TXNL4A: variants seen among roughly 807,000 people sequenced by gnomAD.
TXNL4A encodes the protein thioredoxin like 4A, also known as thioredoxin-like protein 4A.
A neutral mutation model predicts 14.6 loss-of-function variants in TXNL4A; 17 were observed. The observed-to-expected ratio is 1.16, with a 90% CI of 0.80 to 1.74. The LOEUF is 1.74. Among genes scored for constraint, TXNL4A ranks in the 40% most tolerant of loss-of-function variants. TXNL4A has a pLI of 0.00. For missense variants in TXNL4A, 74 were observed against 195.2 expected (o/e 0.38, Z 3.70); for synonymous variants, 83 against 70.6 (o/e 1.18, Z -0.88).
At chr18:80,006,837 G>A (rs1018861135) in intron 1 of TXNL4A, among the ~76,000 whole-genome samples, 2 of 152,202 alleles carry the variant, frequency 1.3e-5, no homozygotes, top group African/African-American at 4.8e-5. Context: ...AGGATTGGTT[G>A]GACCAGGTGT....
At chr18:80,012,853 G>C (rs1290225123) in intron 1 of TXNL4A, among the ~76,000 whole-genome samples, 1 of 150,040 alleles carries the variant, frequency 6.7e-6, no homozygotes, top group East Asian at 2.0e-4. Flanking sequence ...TTTTGGGACC[G>C]GGGTCCAGTG....
chr18:80,023,720 C>A (rs2051865103), intron 1 of TXNL4A, among the ~76,000 whole-genome samples: 1 of 152,148 alleles, frequency 6.6e-6, no homozygotes, highest in Non-Finnish European at 1.5e-5. Context: ...AAAATTTAGA[C>A]TAAAATATTG....
chr18:80,018,697 C>T (rs909193367), intron 1 of TXNL4A, among the ~76,000 whole-genome samples: 2 of 152,188 alleles, frequency 1.3e-5, no homozygotes, highest in Non-Finnish European at 2.9e-5. Flanking sequence ...TCAGAGAATA[C>T]TACAAACACC....
At chr18:79,990,028 T>C (rs2051615464), upstream of TXNL4A, among the ~76,000 whole-genome samples, 1 of 152,144 alleles carries the variant, frequency 6.6e-6, no homozygotes, top group Non-Finnish European at 1.5e-5. Context: ...GCAGATGCTG[T>C]GGTGTCTCTC....
At position 79,999,310 on chromosome 18, in the gene TXNL4A, C is replaced by T. The variant is rs541903010; in HGVS notation, c.-60-21609G>A. Among the ~76,000 whole-genome samples the T allele has an allele frequency of 1.1e-4, 16 of 152,026 alleles. No individual in the cohort carries two copies. In the East Asian group the frequency reaches 1.9e-3, roughly 18 times the overall value. On this transcript the variant is annotated intron_variant, in intron 1 of 2. Transcript: ENST00000585474. The stretch of plus-strand genomic sequence containing the variant: ...CAGCACTTTGGGAGGCCGAGGCGGG[C>T]GGATCACATGAGGTCAGGAGTTCAA...
chr18:80,012,328 C>T (rs537822050), intron 1 of TXNL4A, among the ~76,000 whole-genome samples: 209 of 152,194 alleles, frequency 1.4e-3, no homozygotes, highest in African/African-American at 4.8e-3. Context: ...AGTGACCTTC[C>T]GTTTTGGTAT....
intron 1 of TXNL4A, among the ~76,000 whole-genome samples, chr18:80,000,502 T>C (rs2051691629): frequency 6.6e-6 from 1 of 152,212 alleles, no homozygotes; most frequent in Non-Finnish European, 1.5e-5. Flanking sequence ...TGGGTGCTGT[T>C]AATAAGATTA....
upstream of TXNL4A, among the ~76,000 whole-genome samples, chr18:79,992,873 A>T (rs1230817729): frequency 2.2e-5 from 2 of 89,880 alleles, no homozygotes; most frequent in Non-Finnish European, 4.6e-5. Flanking sequence ...CTGTCATCTT[A>T]TGTAAAAAAA....
rs181235645 is a variant in TXNL4A, at chr18:80,033,138, G to C, written c.-61+713C>G. Among the ~76,000 whole-genome samples the C allele has an allele frequency of 3.2e-4, 48 of 152,284 alleles. 1 individual carries two copies. Among genetic ancestry groups the C allele is most frequent in the Middle Eastern group, 3.4e-3 (1 of 294 alleles). On this transcript the variant is annotated intron_variant, in intron 1 of 2. Coordinates refer to the TXNL4A transcript ENST00000585474. ...AATCTCCTAAAATGATTAGAGACTTGTCTCGTCGTTTTCTTCGATTGACAA... is the reference window on the plus strand; with the variant it reads ...AATCTCCTAAAATGATTAGAGACTTCTCTCGTCGTTTTCTTCGATTGACAA...
rs1345818679 is a variant in TXNL4A, at chr18:79,982,430, C to A, written c.154-4729G>T. Among the ~76,000 whole-genome samples, 1 of 152,176 alleles carries A rather than the reference C, an allele frequency of 6.6e-6. No homozygotes were observed. The highest frequency in any genetic ancestry group is 1.5e-5 in the Non-Finnish European group (1 of 68,026). On this transcript the variant is annotated intron_variant, in intron 1 of 2. Coordinates refer to ENST00000269601, the MANE Select transcript of TXNL4A (RefSeq NM_006701.5). This position sits in a 1 kb window ranked among gnomAD's most constrained non-coding sequence, Gnocchi z 4.0. Reference sequence around the variant, plus strand: ...CTGGAGCTGTACAATGGAGTCTGGGCTGGAGAGAGCTACCTTACTGCCGCC... The same window carrying A: ...CTGGAGCTGTACAATGGAGTCTGGGATGGAGAGAGCTACCTTACTGCCGCC...
upstream of TXNL4A, among the ~76,000 whole-genome samples, chr18:79,991,267 C>T (rs542832354): frequency 6.6e-6 from 1 of 152,216 alleles, no homozygotes; most frequent in South Asian, 2.1e-4. Flanking sequence ...TACCCATTAA[C>T]AGTCATTTCC....
rs2051771770 is a variant in TXNL4A, at chr18:80,011,835, G to A, written c.-61+22016C>T. The stretch of plus-strand genomic sequence containing the variant: ...TGAAGTTTACTCTCTATAAAGTTTG[G>A]ATGAAGACATTTTTTAAAGATCTTA... On this transcript the variant is annotated intron_variant, in intron 1 of 2. Coordinates refer to the TXNL4A transcript ENST00000585474. The surrounding 1 kb of genome is among the most constrained non-coding windows in gnomAD (Gnocchi z 4.1). Among the ~76,000 whole-genome samples, 1 of 151,796 alleles carries A rather than the reference G, an allele frequency of 6.6e-6. No homozygotes were observed.
Position 80,011,623 on chromosome 18 carries a change from A to G in TXNL4A, c.-61+22228T>C, listed in dbSNP as rs2051770134. Among the ~76,000 whole-genome samples the G allele has an allele frequency of 6.6e-6, 1 of 152,252 alleles. No individual in the cohort carries two copies. Among genetic ancestry groups the G allele is most frequent in the East Asian group, 1.9e-4 (1 of 5,180 alleles). On this transcript the variant is annotated intron_variant, in intron 1 of 2. Transcript: ENST00000585474. The surrounding 1 kb of genome is among the most constrained non-coding windows in gnomAD (Gnocchi z 4.1). ...GGAGAAAAGTCTCCTTATTGCCTTCATGTCTTTATGCCCCGAGAGCACAAC... is the reference window on the plus strand; with the variant it reads ...GGAGAAAAGTCTCCTTATTGCCTTCGTGTCTTTATGCCCCGAGAGCACAAC...
intron 1 of TXNL4A, among the ~76,000 whole-genome samples, chr18:80,019,154 C>A (rs963422761): frequency 1.3e-5 from 2 of 152,170 alleles, no homozygotes; most frequent in Non-Finnish European, 2.9e-5. Flanking sequence ...CTCAGCAACA[C>A]CCGACTCTAC....
intron 1 of TXNL4A, among the ~76,000 whole-genome samples, chr18:80,025,654 T>C (rs2051879742): frequency 6.6e-6 from 1 of 152,236 alleles, no homozygotes; most frequent in African/African-American, 2.4e-5. Flanking sequence ...GTTAAAGAAT[T>C]TCCTGGCCCC....
chr18:79,985,110 T>C (rs1020401147), intron 1 of TXNL4A, among the ~76,000 whole-genome samples: 1 of 151,878 alleles, frequency 6.6e-6, no homozygotes, highest in Non-Finnish European at 1.5e-5. Context: ...CATGAAATTG[T>C]CTCCTGTGAT....
intron 1 of TXNL4A, among the ~76,000 whole-genome samples, chr18:80,013,032 T>G (rs2051781328): frequency 6.7e-6 from 1 of 150,292 alleles, no homozygotes; most frequent in Non-Finnish European, 1.5e-5. Context: ...CTCGCTGCGA[T>G]CTGTTGAAAG....
chr18:80,012,605 T>C (rs921642617), intron 1 of TXNL4A, among the ~76,000 whole-genome samples: 3 of 152,194 alleles, frequency 2.0e-5, no homozygotes, highest in African/African-American at 7.2e-5. Context: ...CTTCCCTATA[T>C]CTAATGGCAA....
chr18:80,032,364 T>A (rs950741459), intron 1 of TXNL4A, among the ~76,000 whole-genome samples: 2 of 152,064 alleles, frequency 1.3e-5, no homozygotes, highest in Admixed American at 6.5e-5. Context: ...GGGGGAAATG[T>A]GAAAGGAAAT....
Sources: gnomAD v4.1 joint callset for allele counts (sites outside exome capture counted in the v4.1 genomes callset) on GRCh38, gnomAD v4.1.1 for gene constraint, Gnocchi (gnomAD v3.1) non-coding constraint, MANE v1.5 for transcripts, NCBI Gene and HGNC (gene_info 2026-07-23, HGNC 2026-07-21) for gene names.